The following CNTNAP2 variants were observed in gnomAD, a reference collection of about 807,000 sequenced individuals.
CNTNAP2 encodes the protein contactin-associated protein-like 2.
Under a neutral mutation model 155.2 loss-of-function variants are expected in CNTNAP2, and 98 were observed. That is an observed-to-expected ratio of 0.63 (90% CI 0.54 to 0.75). The LOEUF is 0.75. CNTNAP2 is among the 30% of genes least tolerant of loss of function. CNTNAP2 has a pLI of 0.00. For synonymous variants in CNTNAP2, 651 were observed against 631.2 expected, an observed-to-expected ratio of 1.03 and a Z score of -0.47; for missense variants, 1,727 against 1,688.1, an observed-to-expected ratio of 1.02 and a Z score of -0.40.
At chr7:148,293,959 C>A (rs998358144) in intron 21 of CNTNAP2, among the ~76,000 whole-genome samples, 1 of 143,582 alleles carries the variant, frequency 7.0e-6, no homozygotes, top group African/African-American at 2.6e-5. Flanking sequence ...CGCTTGAACC[C>A]GGGAGGCAGA....
intron 1 of CNTNAP2, among the ~76,000 whole-genome samples, chr7:146,666,457 CAT>C (rs986431498): frequency 1.3e-5 from 2 of 152,138 alleles, no homozygotes; most frequent in Non-Finnish European, 2.9e-5. Context: ...CTGCAATAGA[CAT>C]AGAGATGCAG....
chr7:147,205,385 A>G (rs758624761), intron 8 of CNTNAP2, among the ~76,000 whole-genome samples: 38 of 151,930 alleles, frequency 2.5e-4, no homozygotes, highest in Non-Finnish European at 4.7e-4. Context: ...TATTTTTTCT[A>G]TTTCTGTGAA....
intron 8 of CNTNAP2, among the ~76,000 whole-genome samples, chr7:147,198,925 A>T (rs1449970137): frequency 6.6e-6 from 1 of 150,940 alleles, no homozygotes; most frequent in Admixed American, 6.6e-5. Flanking sequence ...ATGGCCTGGA[A>T]TATTGCCCTC....
chr7:148,113,224 C>T (rs759679825), intron 15 of CNTNAP2, among the ~76,000 whole-genome samples: 40 of 152,214 alleles, frequency 2.6e-4, no homozygotes, highest in Non-Finnish European at 4.6e-4. Flanking sequence ...GCATCTGCTC[C>T]GCTTCTTGGG....
At chr7:147,294,115 G>T (rs1397618031) in intron 8 of CNTNAP2, among the ~76,000 whole-genome samples, 4 of 152,100 alleles carry the variant, frequency 2.6e-5, no homozygotes, top group African/African-American at 9.7e-5. Context: ...TTCAATCTCA[G>T]CCTCTTATGG....
At chr7:148,020,214 T>G (rs1802256603) in intron 15 of CNTNAP2, among the ~76,000 whole-genome samples, 1 of 152,220 alleles carries the variant, frequency 6.6e-6, no homozygotes, top group Non-Finnish European at 1.5e-5. Flanking sequence ...TTACACACCT[T>G]TTGGAGGCAG....
chr7:146,184,266 T>A (rs35273012), intron 1 of CNTNAP2, among the ~76,000 whole-genome samples: 8,292 of 152,228 alleles, frequency 0.054, 253 homozygotes, highest in Middle Eastern at 0.11. Context: ...ATTGATAAAA[T>A]GTCTTGTAGA....
At chr7:147,137,671 A>G (rs1031000949) in intron 8 of CNTNAP2, among the ~76,000 whole-genome samples, 4 of 151,932 alleles carry the variant, frequency 2.6e-5, no homozygotes, top group East Asian at 3.9e-4. Context: ...CAGAATTTCA[A>G]TTGCATTTAC....
At chr7:147,255,455 C>T (rs562778270) in intron 8 of CNTNAP2, among the ~76,000 whole-genome samples, 50 of 152,198 alleles carry the variant, frequency 3.3e-4, no homozygotes, top group Non-Finnish European at 6.5e-4. Flanking sequence ...CTCCTGACCT[C>T]GAGTGATCTG....
At chr7:146,509,998 C>T (rs1449564778) in intron 1 of CNTNAP2, among the ~76,000 whole-genome samples, 1 of 152,112 alleles carries the variant, frequency 6.6e-6, no homozygotes, top group Non-Finnish European at 1.5e-5. Flanking sequence ...CTAGGATCAT[C>T]AGGGGCCAAG....
chr7:147,970,158 A>G (rs1400009064), intron 14 of CNTNAP2, among the ~76,000 whole-genome samples: 1 of 151,800 alleles, frequency 6.6e-6, no homozygotes, highest in Non-Finnish European at 1.5e-5. Flanking sequence ...TTGAATTCCC[A>G]CCTCAGCCTC....
At chr7:146,320,097 CA>C (rs1584867427) in intron 1 of CNTNAP2, among the ~76,000 whole-genome samples, 2 of 150,884 alleles carry the variant, frequency 1.3e-5, no homozygotes, top group East Asian at 1.9e-4. Context: ...ATTACTGCAG[CA>C]AAAAAAGACT....
chr7:147,064,456 A>G (rs1799741677), intron 4 of CNTNAP2, among the ~76,000 whole-genome samples: 1 of 152,146 alleles, frequency 6.6e-6, no homozygotes, highest in East Asian at 1.9e-4. Flanking sequence ...CTCACCTGCT[A>G]AATGATGTGG....
chr7:148,021,776 A>C (rs1386050301), intron 15 of CNTNAP2, among the ~76,000 whole-genome samples: 1 of 152,222 alleles, frequency 6.6e-6, no homozygotes, highest in Non-Finnish European at 1.5e-5. Flanking sequence ...CACCAAACTT[A>C]GACCTGGGAG....
chr7:147,687,567 T>A (rs2116987189), intron 13 of CNTNAP2, among the ~76,000 whole-genome samples: 1 of 152,166 alleles, frequency 6.6e-6, no homozygotes. Flanking sequence ...CTCACATGGG[T>A]TTAAGGGTCA....
chr7:147,434,431 C>A (rs1471797834), intron 10 of CNTNAP2, among the ~76,000 whole-genome samples: 1 of 152,120 alleles, frequency 6.6e-6, no homozygotes, highest in East Asian at 1.9e-4. Context: ...AATTATGTAT[C>A]TATTTCATTT....
rs575624494 is a variant in CNTNAP2, at chr7:147,584,636, G to A, written c.1897+22379G>A. ...ACAAATTTGTGTAGATAAGATATGG[G>A]AAGAAAATGTCATGTTTAAATCTGT... On this transcript the variant is annotated intron_variant, in intron 12 of 23. Transcript: ENST00000361727. 1.5e-3 allele frequency among the ~76,000 whole-genome samples: 233 copies of A among 152,208 alleles called. 1 individual carries two copies. The highest frequency in any genetic ancestry group is 2.9e-3 in the Non-Finnish European group (198 of 68,012).
At chr7:147,392,111 T>A (rs551590188) in intron 9 of CNTNAP2, among the ~76,000 whole-genome samples, 36 of 152,244 alleles carry the variant, frequency 2.4e-4, no homozygotes, top group Admixed American at 1.7e-3. Flanking sequence ...ACAATGTTGC[T>A]AAACTTTCCA....
chr7:146,613,816 C>T (rs1799179782), intron 1 of CNTNAP2, among the ~76,000 whole-genome samples: 2 of 151,986 alleles, frequency 1.3e-5, no homozygotes, highest in South Asian at 4.2e-4. Context: ...ATTACATGAT[C>T]TTTAAGTGTT....
Sources: allele counts gnomAD v4.1 joint callset (sites outside exome capture counted in the v4.1 genomes callset), GRCh38; gene constraint gnomAD v4.1.1; transcripts MANE v1.5; gene names NCBI Gene and HGNC (gene_info 2026-07-23, HGNC 2026-07-21).